Variants in LIN54 observed in about 807,000 individuals in gnomAD.
LIN54 encodes lin-54 DREAM MuvB core complex component, also known as protein lin-54 homolog.
LIN54 carries 9 observed loss-of-function variants against 78.7 expected under a neutral mutation model. The observed-to-expected ratio is 0.11, with a 90% confidence interval of 0.07 to 0.20. The LOEUF is 0.20. LIN54 is among the 10% of genes least tolerant of loss of function. LIN54 has a pLI of 1.00. For synonymous variants in LIN54, 269 were observed against 318.4 expected (o/e 0.84, Z 1.65); for missense variants, 573 against 889.9 (o/e 0.64, Z 4.53).
chr4:82,936,111 A>C lies in LIN54; in HGVS notation c.1715T>G (p.Leu572Arg). The change falls in exon 11 of 13, where the codon CTT becomes CGT. Residue 572 changes from leucine (L) to arginine (R), a missense_variant. By Grantham distance (102) the Leu-to-Arg change is moderately radical (BLOSUM62 -2). Coordinates refer to ENST00000340417, the MANE Select transcript of LIN54 (RefSeq NM_194282.4). ...NERQKAIKAC[L>R]DRNPEAFKPK... ...CTTAAAGGCTTCTGGATTTCTGTCA[A>C]GGCATGCCTAGCAAAACAGATCAAA... 1 of 1,614,072 alleles carries C rather than the reference A, an allele frequency of 6.2e-7. No individual in the cohort carries two copies. The highest frequency in any genetic ancestry group is 8.5e-7 in the Non-Finnish European group (1 of 1,179,954).
chr4:82,938,590 T>C, intron 7 of LIN54, 86 bp from the exon 8 acceptor site: 1 of 734,554 alleles, frequency 1.4e-6, no homozygotes, highest in South Asian at 1.6e-5. Context: ...AAATACAAAT[T>C]CATCCATTAA....
intron 3 of LIN54, among the ~76,000 whole-genome samples, chr4:82,974,016 C>T (rs565114480): frequency 2.6e-5 from 4 of 152,164 alleles, no homozygotes; most frequent in South Asian, 4.2e-4. Context: ...TGGGACCATC[C>T]TGGCTAACAC....
chr4:82,931,159 A>G lies in LIN54; in HGVS notation c.1846-14T>C, dbSNP rs981088700. The G allele has an allele frequency of 3.1e-6, 5 of 1,610,886 alleles. No individual in the cohort carries two copies. The African/African-American group carries it at 4.0e-5, about 13-fold the overall frequency. On this transcript the variant is annotated splice_polypyrimidine_tract_variant and intron_variant, in intron 11 of 12. Coordinates refer to ENST00000340417, the MANE Select transcript of LIN54 (RefSeq NM_194282.4). ...CATTATTTTTGCCTAAAAGATTTAC[A>G]TAAGAAAAGTTTCCAAATCAAAACC...
Position 83,010,720 on chromosome 4 carries a change from G to T in LIN54, c.-269C>A. ...CTCTGGTATGTCAGGGGCCGGGATT[G>T]TATTTCGAAAGATCCGCCATTTTCA... On this transcript the variant is annotated 5_prime_UTR_variant, in exon 1 of 13. An upstream open reading frame in the 5' UTR gains an earlier in-frame stop. Coordinates refer to ENST00000340417, the MANE Select transcript of LIN54 (RefSeq NM_194282.4). 1 of 1,229,912 alleles carries T rather than the reference G, an allele frequency of 8.1e-7. No homozygotes were observed. The highest frequency in any genetic ancestry group is 1.0e-6 in the Non-Finnish European group (1 of 986,600). The allele number at this position is 1,229,912 out of a possible 1,614,324, so 76.2% of individuals were successfully genotyped here. A position where few individuals can be genotyped will look rare whatever the true frequency, so the allele number is the denominator to read the frequency against.
intron 5 of LIN54, among the ~76,000 whole-genome samples, chr4:82,945,524 C>T (rs943929139): frequency 2.6e-5 from 4 of 151,834 alleles, no homozygotes; most frequent in African/African-American, 9.7e-5. Flanking sequence ...GATGGAATCT[C>T]GCTCTGTCGC....
chr4:82,958,210 A>G lies in LIN54; in HGVS notation c.952-11736T>C, dbSNP rs185724584. ...CCAGTTCACTGTACAACTAATGACA[A>G]TTTACCTGTGTTTACGTAGCATTAT... On this transcript the variant is annotated intron_variant, in intron 4 of 12. Transcript: ENST00000340417. Among the ~76,000 whole-genome samples, 3 of 152,304 alleles carry G rather than the reference A, an allele frequency of 2.0e-5. No individual in the cohort carries two copies. The East Asian group carries it at 5.8e-4, about 29-fold the overall frequency.
intron 1 of LIN54, among the ~76,000 whole-genome samples, chr4:83,008,510 G>A (rs1023570240): frequency 6.6e-6 from 1 of 152,086 alleles, no homozygotes; most frequent in Non-Finnish European, 1.5e-5. Context: ...AAATTAGCCC[G>A]GCGTGGTGGC....
At chr4:82,975,913 T>C (rs919274884) in intron 3 of LIN54, among the ~76,000 whole-genome samples, 6 of 152,122 alleles carry the variant, frequency 3.9e-5, no homozygotes, top group Non-Finnish European at 8.8e-5. Context: ...TGGAAATAAA[T>C]AGGAAATGAT....
intron 4 of LIN54, among the ~76,000 whole-genome samples, chr4:82,961,888 G>A (rs1027874649): frequency 5.9e-5 from 9 of 151,792 alleles, no homozygotes; most frequent in East Asian, 3.9e-4. Context: ...CCCTGGAGGC[G>A]GAGGTTGCAG....
chr4:82,980,101 A>G (rs1219021848), intron 2 of LIN54, among the ~76,000 whole-genome samples: 16 of 152,112 alleles, frequency 1.1e-4, no homozygotes, highest in Non-Finnish European at 2.2e-4. Flanking sequence ...TATTTAATTC[A>G]TCTCCAATTT....
chr4:82,992,713 C>A (rs1366059999), intron 1 of LIN54, among the ~76,000 whole-genome samples: 1 of 152,104 alleles, frequency 6.6e-6, no homozygotes, highest in African/African-American at 2.4e-5. Flanking sequence ...CACCACGATG[C>A]CTGGCTTTTG....
chr4:82,974,032 A>G (rs995508600), intron 3 of LIN54, among the ~76,000 whole-genome samples: 10 of 152,096 alleles, frequency 6.6e-5, no homozygotes, highest in African/African-American at 1.7e-4. Flanking sequence ...AACACGGTGA[A>G]ACCCCATCTC....
intron 4 of LIN54, among the ~76,000 whole-genome samples, chr4:82,964,004 G>A (rs1003786526): frequency 2.0e-5 from 3 of 151,546 alleles, no homozygotes; most frequent in African/African-American, 7.3e-5. Flanking sequence ...TGTGAATTAT[G>A]ACATTTTTTA....
At chr4:82,944,322 C>G (rs1352140664) in intron 5 of LIN54, among the ~76,000 whole-genome samples, 1 of 152,162 alleles carries the variant, frequency 6.6e-6, no homozygotes, top group Admixed American at 6.5e-5. Flanking sequence ...TATACGCATA[C>G]AAACACACAC....
intron 5 of LIN54, among the ~76,000 whole-genome samples, chr4:82,941,149 GATATATATATATAT>G (rs3081913): frequency 3.1e-5 from 4 of 131,140 alleles, no homozygotes; most frequent in Admixed American, 1.5e-4. Context: ...GAGTTAAGAG[GATATATATATATAT>G]ATATATATAT....
At chr4:82,975,673 T>C (rs59307540) in intron 3 of LIN54, among the ~76,000 whole-genome samples, 2,431 of 149,660 alleles carry the variant, frequency 0.016, 70 homozygotes, top group African/African-American at 0.056. Flanking sequence ...GATCGCGCCA[T>C]TGCACTCCAG....
intron 1 of LIN54, among the ~76,000 whole-genome samples, chr4:83,000,827 C>CTTTTTTTTTTTTTTTTTTTTT (rs1553959274): frequency 8.3e-6 from 1 of 120,538 alleles, no homozygotes; most frequent in Non-Finnish European, 1.6e-5. Context: ...GCAATAAATT[C>CTTTTTTTTTTTTTTTTTTTTT]TTTTTTTTTT....
chr4:82,944,759 A>G (rs984122024), intron 5 of LIN54: 64 of 152,282 alleles, frequency 4.2e-4, no homozygotes, highest in African/African-American at 1.5e-3. Context: ...CAAGTATAGC[A>G]GTAAGAAGAG....
intron 4 of LIN54, among the ~76,000 whole-genome samples, chr4:82,959,028 T>C (rs929144109): frequency 6.6e-6 from 1 of 152,074 alleles, no homozygotes; most frequent in African/African-American, 2.4e-5. Context: ...AAAAATAAAA[T>C]AAACCATTCT....
Sources: allele counts gnomAD v4.1 joint callset (sites outside exome capture counted in the v4.1 genomes callset), GRCh38; gene constraint gnomAD v4.1.1; transcripts MANE v1.5; gene names NCBI Gene and HGNC (gene_info 2026-07-23, HGNC 2026-07-21).